MACO1: variants seen among roughly 807,000 people sequenced by gnomAD.
The protein encoded by MACO1 is macoilin 1.
A neutral mutation model predicts 78.7 loss-of-function variants in MACO1; 14 were observed. That is an observed-to-expected ratio of 0.18 (90% CI 0.12 to 0.28). The LOEUF is 0.28. Among genes scored for constraint, MACO1 ranks in the 10% least tolerant of loss-of-function variants. The pLI is 1.00. For missense variants in MACO1, 501 were observed against 799.0 expected (o/e 0.63, Z 4.50); for synonymous variants, 288 against 291.6 (o/e 0.99, Z 0.12).
rs72871917 is a variant in MACO1, at chr1:25,477,244, C to A, written c.1155-6872C>A. Among the ~76,000 whole-genome samples the A allele has an allele frequency of 1.3e-3, 199 of 152,232 alleles. 1 individual carries two copies. Among genetic ancestry groups the A allele is most frequent in the African/African-American group, 4.5e-3 (188 of 41,544 alleles). On this transcript the variant is annotated intron_variant, in intron 6 of 10. Coordinates refer to ENST00000374343, the MANE Select transcript of MACO1 (RefSeq NM_018202.6). ...TAATTTTTGTTGTTTTTTAACTGAGCCTTGAAGAATGGGTAAGATTGAAAA... is the reference window on the plus strand; with the variant it reads ...TAATTTTTGTTGTTTTTTAACTGAGACTTGAAGAATGGGTAAGATTGAAAA...
At chr1:25,497,305 G>A (rs923206836) in intron 10 of MACO1, among the ~76,000 whole-genome samples, 2 of 151,770 alleles carry the variant, frequency 1.3e-5, no homozygotes, top group South Asian at 2.1e-4. Context: ...GCTTGAACCC[G>A]GGAGGCAGAG....
intron 1 of MACO1, among the ~76,000 whole-genome samples, chr1:25,431,839 C>T (rs969336312): frequency 3.9e-5 from 6 of 152,176 alleles, no homozygotes; most frequent in African/African-American, 1.4e-4. Context: ...ACCAGTTTTT[C>T]AGCAAATATT....
chr1:25,486,277 T>C (rs2124609132), intron 8 of MACO1, among the ~76,000 whole-genome samples: 1 of 152,164 alleles, frequency 6.6e-6, no homozygotes, highest in South Asian at 2.1e-4. Flanking sequence ...CAGCAAACTG[T>C]CAAATGAAAT....
intron 4 of MACO1, among the ~76,000 whole-genome samples, 155 bp from the exon 5 acceptor site, chr1:25,456,498 T>C (rs1278564119): frequency 6.6e-6 from 1 of 152,190 alleles, no homozygotes; most frequent in Non-Finnish European, 1.5e-5. Context: ...CAGTAGACAT[T>C]ACATTTATTT....
At position 25,458,523 on chromosome 1, in the gene MACO1, A is replaced by G. The variant is rs746396752; in HGVS notation, c.785A>G (p.Asp262Gly). Residue 262 changes from aspartate (D) to glycine (G), a missense_variant, in exon 6 of 11, where the codon GAT becomes GGT. Asp to Gly is a moderately conservative substitution (Grantham distance 94, BLOSUM62 -1). Coordinates refer to ENST00000374343, the MANE Select transcript of MACO1 (RefSeq NM_018202.6). Reference protein sequence around the residue: ...YREKGKEKDKDAKKHNLGINN... With the variant: ...YREKGKEKDKGAKKHNLGINN... ...GAAAAAGGGAAAGAAAAGGACAAGG[A>G]TGCCAAAAAACACAACCTTGGAATA... 3.7e-6 allele frequency: 6 copies of G among 1,614,150 alleles called. No individual in the cohort carries two copies. The South Asian group carries it at 6.6e-5, about 18-fold the overall frequency.
chr1:25,460,910 T>C (rs1449800757), intron 6 of MACO1, among the ~76,000 whole-genome samples: 2 of 152,114 alleles, frequency 1.3e-5, no homozygotes, highest in African/African-American at 4.8e-5. Flanking sequence ...ACATTATATT[T>C]AAGTAGGTTT....
At chr1:25,450,580 A>G (rs2043056845) in intron 3 of MACO1, among the ~76,000 whole-genome samples, 1 of 152,236 alleles carries the variant, frequency 6.6e-6, no homozygotes, top group Non-Finnish European at 1.5e-5. Flanking sequence ...TCCTCTTCTC[A>G]GAACTGCTAA....
In MACO1 at chr1:25,465,460, G is replaced by A. The variant is rs534209971; in HGVS notation, c.1154+6568G>A. ...TAAATCCTGGCCAGCACTTGGTATTGTCAGTGTTATGGATTTCGGCCACCC... is the reference window on the plus strand; with the variant it reads ...TAAATCCTGGCCAGCACTTGGTATTATCAGTGTTATGGATTTCGGCCACCC... On this transcript the variant is annotated intron_variant, in intron 6 of 10. Coordinates refer to ENST00000374343, the MANE Select transcript of MACO1 (RefSeq NM_018202.6). 3.9e-5 allele frequency among the ~76,000 whole-genome samples: 6 copies of A among 152,294 alleles called. No homozygotes were observed. The South Asian group carries it at 1.0e-3, about 26-fold the overall frequency.
intron 5 of MACO1, 95 bp from the exon 6 acceptor site, chr1:25,458,296 T>C (rs1277889615): frequency 6.8e-7 from 1 of 1,469,356 alleles, no homozygotes; most frequent in Admixed American, 2.5e-5. Context: ...ATTTCTTAAG[T>C]GTAGATAATA....
intron 6 of MACO1, among the ~76,000 whole-genome samples, chr1:25,479,723 C>G (rs1355387368): frequency 6.6e-6 from 1 of 152,000 alleles, no homozygotes; most frequent in Non-Finnish European, 1.5e-5. Context: ...ATAATTCTTT[C>G]AAAACTCATG....
In MACO1 at chr1:25,498,504, G is replaced by A. The variant is rs781489609; in HGVS notation, c.*38G>A. On this transcript the variant is annotated 3_prime_UTR_variant, in exon 11 of 11. Transcript: ENST00000374343. ...TGTTGTGCCCAAAAATTTGGTTACC[G>A]GAAGGCATTGCAAAGGAGCGTCTCT... 25 of 1,545,628 alleles carry A rather than the reference G, an allele frequency of 1.6e-5. No homozygotes were observed. Among genetic ancestry groups the A allele is most frequent in the Admixed American group, 8.3e-5 (4 of 48,216 alleles).
At chr1:25,491,269 GC>G (rs1382217228) in intron 9 of MACO1, 140 bp from the exon 10 acceptor site, 1 of 1,078,410 alleles carries the variant, frequency 9.3e-7, no homozygotes, top group African/African-American at 1.6e-5. Flanking sequence ...TTTAGCACTT[GC>G]CTAAACCCAT....
At chr1:25,470,106 A>T (rs2043254578) in intron 6 of MACO1, among the ~76,000 whole-genome samples, 1 of 152,262 alleles carries the variant, frequency 6.6e-6, no homozygotes, top group South Asian at 2.1e-4. Flanking sequence ...GATTTTTCAT[A>T]ATCAGTGGAT....
intron 2 of MACO1, among the ~76,000 whole-genome samples, chr1:25,447,887 A>G (rs1450067123): frequency 2.0e-5 from 3 of 152,122 alleles, no homozygotes; most frequent in Non-Finnish European, 2.9e-5. Context: ...ACATCTTAAA[A>G]CTATAACTCC....
intron 1 of MACO1, among the ~76,000 whole-genome samples, chr1:25,438,070 A>G (rs1044711842): frequency 1.3e-5 from 2 of 152,240 alleles, no homozygotes; most frequent in Non-Finnish European, 2.9e-5. Context: ...GTTTTGTAGT[A>G]TAACATTTTT....
chr1:25,492,522 G>A (rs2043496093), intron 10 of MACO1, among the ~76,000 whole-genome samples: 1 of 152,052 alleles, frequency 6.6e-6, no homozygotes, highest in South Asian at 2.1e-4. Context: ...GGCAGGGGGA[G>A]CGTGGGTACT....
chr1:25,498,150 C>T (rs950019486), intron 10 of MACO1, 114 bp from the exon 11 acceptor site: 12 of 1,029,484 alleles, frequency 1.2e-5, no homozygotes, highest in African/African-American at 1.6e-5. Flanking sequence ...TCTTATAAAT[C>T]ACTGAACCTG....
intron 10 of MACO1, among the ~76,000 whole-genome samples, chr1:25,492,295 G>A (rs1475596478): frequency 6.6e-6 from 1 of 152,198 alleles, no homozygotes; most frequent in Non-Finnish European, 1.5e-5. Context: ...CAAGCCAGCA[G>A]GGAGTATGTC....
At chr1:25,434,220 A>G (rs1157181025) in intron 1 of MACO1, among the ~76,000 whole-genome samples, 1 of 152,234 alleles carries the variant, frequency 6.6e-6, no homozygotes, top group Non-Finnish European at 1.5e-5. Flanking sequence ...TCCAGTTAAT[A>G]ATTAAAAATA....
Sources: gnomAD v4.1 joint callset for allele counts (sites outside exome capture counted in the v4.1 genomes callset) on GRCh38, gnomAD v4.1.1 for gene constraint, MANE v1.5 for transcripts, NCBI Gene and HGNC (gene_info 2026-07-23, HGNC 2026-07-21) for gene names.